Variants in CTNND2 observed in about 807,000 individuals in gnomAD.
CTNND2 encodes catenin delta-2.
In CTNND2, 22 loss-of-function variants were observed where a neutral mutation model predicts 144.4. The observed-to-expected ratio is 0.15, with a 90% CI of 0.11 to 0.22. The LOEUF is 0.22. CTNND2 is among the 10% of genes least tolerant of loss of function. The pLI, the probability that CTNND2 is intolerant of heterozygous loss-of-function variation, is 1.00. For missense variants in CTNND2, 1,353 were observed against 1,618.8 expected (o/e 0.84, Z 2.82); for synonymous variants, 751 against 695.6 (o/e 1.08, Z -1.25).
intron 9 of CTNND2, among the ~76,000 whole-genome samples, chr5:11,290,583 A>T (rs1278697575): frequency 6.6e-6 from 1 of 152,218 alleles, no homozygotes; most frequent in Non-Finnish European, 1.5e-5. Context: ...CTGCTGAACA[A>T]ATGATCCTGA....
chr5:11,338,827 A>G lies in CTNND2; in HGVS notation c.1628+7545T>C, dbSNP rs188470291. ...CTGATAAAAGAACTCTTGAAAAGGAAGTTTTATAAAACAAAAAGGTCTTTT... is the reference window on the plus strand; with the variant it reads ...CTGATAAAAGAACTCTTGAAAAGGAGGTTTTATAAAACAAAAAGGTCTTTT... On this transcript the variant is annotated intron_variant, in intron 9 of 21. Coordinates refer to ENST00000304623, the MANE Select transcript of CTNND2 (RefSeq NM_001332.4). Among the ~76,000 whole-genome samples, 288 of 152,300 alleles carry G rather than the reference A, an allele frequency of 1.9e-3. 1 individual carries two copies. Among genetic ancestry groups the G allele is most frequent in the Admixed American group, 4.2e-3 (65 of 15,300 alleles).
chr5:11,444,340 C>G (rs1418955804), intron 3 of CTNND2, among the ~76,000 whole-genome samples: 1 of 152,152 alleles, frequency 6.6e-6, no homozygotes, highest in African/African-American at 2.4e-5. Context: ...TCCACAATTG[C>G]AGGCTTCAAT....
intron 13 of CTNND2, among the ~76,000 whole-genome samples, chr5:11,114,215 C>A (rs534409983): frequency 2.6e-4 from 39 of 152,334 alleles, no homozygotes; most frequent in African/African-American, 9.1e-4. Context: ...ACTTCTTTCT[C>A]ATCCCACTGT....
At chr5:11,067,002 CCA>C (rs1747692111) in intron 16 of CTNND2, among the ~76,000 whole-genome samples, 1 of 152,132 alleles carries the variant, frequency 6.6e-6, no homozygotes, top group African/African-American at 2.4e-5. Context: ...TATACCAACC[CCA>C]GAGTTATTCT....
intron 9 of CTNND2, among the ~76,000 whole-genome samples, chr5:11,329,345 G>A (rs1752846082): frequency 6.6e-6 from 1 of 152,082 alleles, no homozygotes. Context: ...AGTAGAGATG[G>A]CGTTTCATCA....
rs115327308 is a variant in CTNND2, at chr5:11,770,532, A to G, written c.38-38260T>C. Among the ~76,000 whole-genome samples, 320 of 152,156 alleles carry G rather than the reference A, an allele frequency of 2.1e-3. 1 individual carries two copies. Among genetic ancestry groups the G allele is most frequent in the African/African-American group, 7.4e-3 (307 of 41,508 alleles). On this transcript the variant is annotated intron_variant, in intron 1 of 21. Transcript: ENST00000304623. ...GGATATATTTTTAATCTGAATGAAT[A>G]TTTCCCATCATTCAGGAACCTACTC...
chr5:11,892,054 A>G (rs1737005022), intron 1 of CTNND2, among the ~76,000 whole-genome samples: 1 of 152,240 alleles, frequency 6.6e-6, no homozygotes, highest in South Asian at 2.1e-4. Context: ...AGCTTCACAA[A>G]TTCTTCTGAC....
rs150863853 is a variant in CTNND2, at chr5:11,763,898, C to A, written c.38-31626G>T. 8.8e-3 allele frequency among the ~76,000 whole-genome samples: 1,345 copies of A among 152,180 alleles called. 75 individuals carry two copies. Among genetic ancestry groups the A allele is most frequent in the Admixed American group, 0.081 (1,239 of 15,270 alleles). On this transcript the variant is annotated intron_variant, in intron 1 of 21. Coordinates refer to ENST00000304623, the MANE Select transcript of CTNND2 (RefSeq NM_001332.4). ...TTATGGACTCCCAATCAAGGGTCCACAACTCTGCAGTCAGAGTTGGCCCCC... is the reference window on the plus strand; with the variant it reads ...TTATGGACTCCCAATCAAGGGTCCAAAACTCTGCAGTCAGAGTTGGCCCCC...
At chr5:11,359,978 T>C (rs775458796) in intron 8 of CTNND2, among the ~76,000 whole-genome samples, 1 of 152,156 alleles carries the variant, frequency 6.6e-6, no homozygotes, top group Non-Finnish European at 1.5e-5. Flanking sequence ...CCTTGGACAT[T>C]ACATAGATGT....
At chr5:11,212,642 G>T (rs1470991216) in intron 10 of CTNND2, among the ~76,000 whole-genome samples, 1 of 152,242 alleles carries the variant, frequency 6.6e-6, no homozygotes, top group Non-Finnish European at 1.5e-5. Context: ...CCAAAGTACA[G>T]AATGTAAGAG....
intron 1 of CTNND2, among the ~76,000 whole-genome samples, chr5:11,802,823 T>C (rs1012774548): frequency 2.6e-5 from 4 of 152,222 alleles, no homozygotes; most frequent in Admixed American, 2.0e-4. Context: ...ATTCAACTAA[T>C]AACTTTTGAG....
intron 1 of CTNND2, among the ~76,000 whole-genome samples, chr5:11,742,029 A>G (rs1282815436): frequency 6.8e-6 from 1 of 147,674 alleles, no homozygotes; most frequent in Non-Finnish European, 1.5e-5. Flanking sequence ...TAATAATACA[A>G]TGGACTTTGG....
chr5:11,623,751 TA>T (rs1780978918), intron 2 of CTNND2, among the ~76,000 whole-genome samples: 2 of 138,716 alleles, frequency 1.4e-5, no homozygotes, highest in South Asian at 4.5e-4. Context: ...TACACAATGG[TA>T]AAGGGTTCAA....
intron 9 of CTNND2, among the ~76,000 whole-genome samples, chr5:11,343,908 G>T (rs1434610511): frequency 6.6e-6 from 1 of 152,080 alleles, no homozygotes; most frequent in African/African-American, 2.4e-5. Context: ...TCAAAAGCTT[G>T]AAAACATTGA....
At chr5:11,712,635 T>G (rs1419251300) in intron 2 of CTNND2, among the ~76,000 whole-genome samples, 1 of 152,220 alleles carries the variant, frequency 6.6e-6, no homozygotes, top group Non-Finnish European at 1.5e-5. Context: ...ATTTTTCCAA[T>G]GATGCTAATT....
chr5:11,271,106 A>G (rs919109818), intron 9 of CTNND2, among the ~76,000 whole-genome samples: 3 of 152,228 alleles, frequency 2.0e-5, no homozygotes, highest in African/African-American at 7.2e-5. Context: ...ATGTATATGC[A>G]TAATTAAGTG....
intron 10 of CTNND2, among the ~76,000 whole-genome samples, chr5:11,217,963 G>A (rs1235746228): frequency 6.6e-6 from 1 of 151,892 alleles, no homozygotes; most frequent in Non-Finnish European, 1.5e-5. Flanking sequence ...CTTGTTGTTT[G>A]GGACCACCTT....
chr5:11,675,444 C>A (rs754345178), intron 2 of CTNND2, among the ~76,000 whole-genome samples: 5 of 152,222 alleles, frequency 3.3e-5, no homozygotes, highest in Non-Finnish European at 5.9e-5. Flanking sequence ...GGAGGAAAGG[C>A]AACCAGCGCC....
rs149431369 is a variant in CTNND2, at chr5:11,790,533, T to C, written c.38-58261A>G. 4.9e-3 allele frequency among the ~76,000 whole-genome samples: 752 copies of C among 152,272 alleles called. 5 individuals are homozygous for C. Among genetic ancestry groups the C allele is most frequent in the Non-Finnish European group, 8.2e-3 (555 of 68,018 alleles). On this transcript the variant is annotated intron_variant, in intron 1 of 21. Transcript: ENST00000304623. ...CTGCTGTAATGACTGAGTAAGGTAA[T>C]GCTCACAGTGTACCTAGGGCACACA...
Sources: allele counts gnomAD v4.1 joint callset (sites outside exome capture counted in the v4.1 genomes callset), GRCh38; gene constraint gnomAD v4.1.1; transcripts MANE v1.5; gene names NCBI Gene and HGNC (gene_info 2026-07-23, HGNC 2026-07-21).